The following BRINP1 variants were observed in gnomAD, a reference collection of about 807,000 sequenced individuals.
The protein encoded by BRINP1 is BMP/retinoic acid inducible neural specific 1.
BRINP1 carries 17 observed loss-of-function variants against 72.9 expected under a neutral mutation model. That is an observed-to-expected ratio of 0.23 (90% CI 0.16 to 0.35). BRINP1 has a LOEUF of 0.35. Ranked by LOEUF, BRINP1 falls within the 10% of genes least tolerant of loss-of-function variation. The probability of loss-of-function intolerance (pLI) is 1.00; values close to 1 mark genes in which losing one functional copy is unlikely to be tolerated. For synonymous variants in BRINP1, 418 were observed against 378.5 expected (o/e 1.10, Z -1.21); for missense variants, 850 against 1,001.6 (o/e 0.85, Z 2.04).
At chr9:119,350,695 C>T (rs966334407) in intron 1 of BRINP1, among the ~76,000 whole-genome samples, 1 of 151,934 alleles carries the variant, frequency 6.6e-6, no homozygotes, top group Non-Finnish European at 1.5e-5. Flanking sequence ...CACATCAGCA[C>T]ATTCAAAACA....
intron 1 of BRINP1, among the ~76,000 whole-genome samples, chr9:119,345,863 A>T (rs1240720865): frequency 6.6e-6 from 1 of 152,094 alleles, no homozygotes; most frequent in East Asian, 1.9e-4. Flanking sequence ...CAACTCTATG[A>T]GGTGGTTTTT....
At chr9:119,319,208 C>T (rs552502055) in intron 1 of BRINP1, among the ~76,000 whole-genome samples, 3 of 152,224 alleles carry the variant, frequency 2.0e-5, no homozygotes, top group East Asian at 1.9e-4. Flanking sequence ...TTCTAGCTCT[C>T]GGTTAAGAGT....
chr9:119,352,830 C>T (rs780260707), intron 1 of BRINP1, among the ~76,000 whole-genome samples: 3 of 152,198 alleles, frequency 2.0e-5, no homozygotes, highest in Non-Finnish European at 4.4e-5. Context: ...ACTTATGATT[C>T]AAAGATGCCA....
chr9:119,326,295 G>A (rs920979699), intron 1 of BRINP1, among the ~76,000 whole-genome samples: 2 of 152,072 alleles, frequency 1.3e-5, no homozygotes, highest in Non-Finnish European at 2.9e-5. Flanking sequence ...ATCCCTAATT[G>A]TAGTTTTCTT....
intron 2 of BRINP1, among the ~76,000 whole-genome samples, chr9:119,292,830 T>C (rs1830835585): frequency 6.6e-6 from 1 of 152,186 alleles, no homozygotes; most frequent in Non-Finnish European, 1.5e-5. Flanking sequence ...TGTATGTTTG[T>C]ATTTTACAGC....
chr9:119,352,391 G>T (rs574528822), intron 1 of BRINP1, among the ~76,000 whole-genome samples: 44 of 152,160 alleles, frequency 2.9e-4, no homozygotes, highest in African/African-American at 1.0e-3. Context: ...CTTTTAAAAG[G>T]CTCTCATTTC....
chr9:119,188,451 C>T (rs1421103321), intron 7 of BRINP1, among the ~76,000 whole-genome samples: 1 of 152,036 alleles, frequency 6.6e-6, no homozygotes, highest in Non-Finnish European at 1.5e-5. Flanking sequence ...GATTCATCGC[C>T]ACTAGACCAG....
chr9:119,188,135 T>C (rs954643423), intron 7 of BRINP1, among the ~76,000 whole-genome samples: 2 of 152,110 alleles, frequency 1.3e-5, no homozygotes, highest in Non-Finnish European at 2.9e-5. Flanking sequence ...AAGAAAGGCA[T>C]AGAAGGCTTA....
intron 7 of BRINP1, among the ~76,000 whole-genome samples, chr9:119,178,471 A>G (rs560566836): frequency 5.3e-5 from 8 of 152,344 alleles, no homozygotes; most frequent in Admixed American, 3.9e-4. Flanking sequence ...AATAATGAGG[A>G]AAAACCCTCA....
chr9:119,295,814 G>A (rs916841972), intron 2 of BRINP1, among the ~76,000 whole-genome samples: 3 of 152,126 alleles, frequency 2.0e-5, no homozygotes, highest in African/African-American at 7.2e-5. Flanking sequence ...AATAAATGTT[G>A]TTAGAAAAAC....
At chr9:119,168,273 T>G in intron 7 of BRINP1, 49 bp from the exon 8 acceptor site, 1 of 1,408,026 alleles carries the variant, frequency 7.1e-7, no homozygotes, top group Non-Finnish European at 9.4e-7. Flanking sequence ...TGAGTGGGTC[T>G]GTGAGTTACA....
intron 2 of BRINP1, among the ~76,000 whole-genome samples, chr9:119,285,714 T>C (rs960129352): frequency 1.3e-5 from 2 of 152,144 alleles, no homozygotes; most frequent in African/African-American, 4.8e-5. Context: ...TTTTTTTCCC[T>C]CCTCATCTAA....
At chr9:119,343,723 A>G (rs941541407) in intron 1 of BRINP1, among the ~76,000 whole-genome samples, 5 of 152,140 alleles carry the variant, frequency 3.3e-5, no homozygotes, top group African/African-American at 1.2e-4. Flanking sequence ...GAGATGCACT[A>G]TCTGCCTGAG....
rs1829541170 is a variant in BRINP1 at position 119,180,441 on chromosome 9, CTGTTCTTTAGTTG to C, written c.1146-12230_1146-12218del. 6.6e-5 allele frequency among the ~76,000 whole-genome samples: 10 copies of C among 151,664 alleles called. No homozygotes were observed. The South Asian group carries it at 2.1e-3, about 32-fold the overall frequency. ...GTTTTTTTAGGTTTCTGATGATGCG[CTGTTCTTTAGTTG>C]TGCTGTGTGTGACTCTCTCTGTGCA... On this transcript the variant is annotated intron_variant, in intron 7 of 7. Transcript: ENST00000265922.
intron 7 of BRINP1, among the ~76,000 whole-genome samples, chr9:119,208,071 G>A (rs1354608366): frequency 6.6e-6 from 1 of 152,174 alleles, no homozygotes; most frequent in African/African-American, 2.4e-5. Context: ...ATTCTATGGA[G>A]GCATGGGCCC....
chr9:119,319,703 C>T (rs1375510956), intron 1 of BRINP1, among the ~76,000 whole-genome samples: 1 of 152,194 alleles, frequency 6.6e-6, no homozygotes, highest in East Asian at 1.9e-4. Flanking sequence ...ATGTATTCCA[C>T]AAAATGGGCA....
At chr9:119,195,882 C>T (rs1385824580) in intron 7 of BRINP1, among the ~76,000 whole-genome samples, 2 of 152,162 alleles carry the variant, frequency 1.3e-5, no homozygotes, top group African/African-American at 2.4e-5. Flanking sequence ...TGGTGTAAAC[C>T]ACTTTTTTTT....
At chr9:119,279,776 G>T (rs1830690171) in intron 2 of BRINP1, among the ~76,000 whole-genome samples, 1 of 152,132 alleles carries the variant, frequency 6.6e-6, no homozygotes, top group Admixed American at 6.5e-5. Flanking sequence ...ATTGTCAAAG[G>T]AATGCTGGAA....
chr9:119,362,401 T>C (rs1307242136), intron 1 of BRINP1, among the ~76,000 whole-genome samples: 1 of 152,170 alleles, frequency 6.6e-6, no homozygotes, highest in Non-Finnish European at 1.5e-5. Context: ...TACTGAAGTG[T>C]CTTCCTTTAG....
Sources: gnomAD v4.1 joint callset for allele counts (sites outside exome capture counted in the v4.1 genomes callset) on GRCh38, gnomAD v4.1.1 for gene constraint, MANE v1.5 for transcripts, NCBI Gene and HGNC (gene_info 2026-07-23, HGNC 2026-07-21) for gene names.